SP1: variants seen among roughly 807,000 people sequenced by gnomAD.
SP1 encodes the protein Sp1 transcription factor.
A neutral mutation model predicts 66.3 loss-of-function variants in SP1; 6 were observed. The observed-to-expected ratio is 0.09, with a 90% CI of 0.05 to 0.18. The LOEUF (loss-of-function observed/expected upper bound fraction) is 0.18. Ranked by LOEUF, SP1 falls within the 10% of genes least tolerant of loss-of-function variation. The pLI, the probability that SP1 is intolerant of heterozygous loss-of-function variation, is 1.00. For synonymous variants in SP1, 417 were observed against 360.8 expected, an observed-to-expected ratio of 1.16 and a Z score of -1.77; for missense variants, 848 against 964.5, an observed-to-expected ratio of 0.88 and a Z score of 1.60.
chr12:53,396,666 T>C (rs7300593), intron 3 of SP1, among the ~76,000 whole-genome samples: 27,780 of 152,218 alleles, frequency 0.18, 2,652 homozygotes, highest in African/African-American at 0.21. Flanking sequence ...TTACTTAGTG[T>C]ACTTGAGAGG....
chr12:53,384,109 A>G (rs1360623758), intron 3 of SP1, among the ~76,000 whole-genome samples: 2 of 147,798 alleles, frequency 1.4e-5, no homozygotes, highest in Non-Finnish European at 3.0e-5. Context: ...GGCTGGGACT[A>G]CAGGTGCCTG....
intron 3 of SP1, among the ~76,000 whole-genome samples, chr12:53,400,373 C>G (rs1938584579): frequency 6.6e-6 from 1 of 151,764 alleles, no homozygotes; most frequent in Non-Finnish European, 1.5e-5. Flanking sequence ...AATAATATTT[C>G]ATTGTGTATA....
intron 1 of SP1, 107 bp from the exon 2 acceptor site, chr12:53,381,552 C>T (rs1021868756): frequency 1.6e-5 from 16 of 1,030,822 alleles, no homozygotes; most frequent in African/African-American, 3.3e-5. Context: ...TGGTGGCTTT[C>T]GCCTTCCTGT....
chr12:53,394,409 C>CT (rs59816754), intron 3 of SP1, among the ~76,000 whole-genome samples: 1,317 of 114,852 alleles, frequency 0.011, 28 homozygotes, highest in Middle Eastern at 0.036. Context: ...TTAAAAGTAT[C>CT]TTTTTTTTTT....
At chr12:53,405,539 A>G (rs180777649) in intron 3 of SP1, among the ~76,000 whole-genome samples, 3 of 152,190 alleles carry the variant, frequency 2.0e-5, no homozygotes, top group Admixed American at 6.6e-5. Context: ...TCATGGTGGC[A>G]TATACCTGTA....
At position 53,380,924 on chromosome 12, in the gene SP1, T is replaced by C. The variant is rs78207123; in HGVS notation, c.7+626T>C. 8.0e-4 allele frequency among the ~76,000 whole-genome samples: 121 copies of C among 151,162 alleles called. 1 individual carries two copies. The East Asian group carries it at 0.023, about 29-fold the overall frequency. ...CTTCTTTTTCCCCTCTCGTTACTTT[T>C]CACACTTGGATTTTTGTTTGTCTTT... On this transcript the variant is annotated intron_variant, in intron 1 of 5. Coordinates refer to ENST00000327443, the MANE Select transcript of SP1 (RefSeq NM_138473.3).
At position 53,416,044 on chromosome 12, in the gene SP1, T is replaced by C. The variant is rs1938989630; in HGVS notation, c.*4804T>C. On this transcript the variant is annotated 3_prime_UTR_variant, in exon 6 of 6. Transcript: ENST00000327443. ...CTGGAAGGGATGGGTGGTGCTCCAA[T>C]CTCTGGTGCCTAAAAACCCAAGTTT... 1 of 152,658 alleles carries C rather than the reference T, an allele frequency of 6.6e-6. No individual in the cohort carries two copies. The highest frequency in any genetic ancestry group is 1.5e-5 in the Non-Finnish European group (1 of 68,092). 9.5% of individuals were successfully genotyped at this position (152,658 alleles called of 1,614,324 possible).
intron 3 of SP1, among the ~76,000 whole-genome samples, chr12:53,402,271 T>C (rs951937595): frequency 6.7e-6 from 1 of 150,348 alleles, no homozygotes; most frequent in Non-Finnish European, 1.5e-5. Context: ...TCGCCCAGGC[T>C]GGAGTGCAAT....
rs535951095 is a variant in SP1 at position 53,394,009 on chromosome 12, G to A, written c.1675+10387G>A. 3.2e-4 allele frequency among the ~76,000 whole-genome samples: 49 copies of A among 151,908 alleles called. No homozygotes were observed. In the Middle Eastern group the frequency reaches 0.014, roughly 42 times the overall value. On this transcript the variant is annotated intron_variant, in intron 3 of 5. Coordinates refer to ENST00000327443, the MANE Select transcript of SP1 (RefSeq NM_138473.3). ...GTGGGTGGATCACCTGAGATCGGGA[G>A]TTCAAGACCAGCCTGACCAACATGG...
chr12:53,406,065 CT>C (rs1170832065), intron 3 of SP1, among the ~76,000 whole-genome samples: 1,204 of 82,404 alleles, frequency 0.015, 2 homozygotes, highest in African/African-American at 0.034. Flanking sequence ...TATTTTCTTT[CT>C]TTTTTTTTTT....
At chr12:53,407,931 G>A (rs1234576083) in intron 4 of SP1, among the ~76,000 whole-genome samples, 8 of 145,460 alleles carry the variant, frequency 5.5e-5, no homozygotes, top group African/African-American at 1.3e-4. Flanking sequence ...CCATGGGGGC[G>A]CCCGGCCTTT....
At chr12:53,406,313 C>T (rs146639526) in intron 3 of SP1, among the ~76,000 whole-genome samples, 11 of 152,086 alleles carry the variant, frequency 7.2e-5, no homozygotes, top group Non-Finnish European at 1.3e-4. Flanking sequence ...AGGTGATCCG[C>T]CCACCTCGGC....
intron 3 of SP1, among the ~76,000 whole-genome samples, chr12:53,402,864 T>G (rs1225180282): frequency 1.3e-5 from 2 of 151,820 alleles, no homozygotes; most frequent in African/African-American, 2.4e-5. Flanking sequence ...TCCCAGTTAC[T>G]TAGAAGGCTG....
At chr12:53,407,879 G>T (rs1174293982) in intron 4 of SP1, among the ~76,000 whole-genome samples, 1 of 148,974 alleles carries the variant, frequency 6.7e-6, no homozygotes, top group Non-Finnish European at 1.5e-5. Context: ...CTTGTGATCC[G>T]CCTGCCTTGG....
At chr12:53,396,567 C>G (rs1176753171) in intron 3 of SP1, among the ~76,000 whole-genome samples, 2 of 152,146 alleles carry the variant, frequency 1.3e-5, no homozygotes, top group African/African-American at 4.8e-5. Flanking sequence ...GACTCCATCT[C>G]AAAAACAAAA....
chr12:53,405,473 G>A (rs1476422877), intron 3 of SP1, among the ~76,000 whole-genome samples: 1 of 152,052 alleles, frequency 6.6e-6, no homozygotes, highest in Non-Finnish European at 1.5e-5. Flanking sequence ...GTTCGAGACA[G>A]CCTGACCAAC....
Position 53,382,713 on chromosome 12 carries a change from G to C in SP1, c.766G>C (p.Val256Leu), listed in dbSNP as rs753708505. The change falls in exon 3 of 6, where the codon GTA (valine) becomes CTA (leucine). Residue 256 changes from valine (V) to leucine (L), a missense_variant. Physicochemically the swap from Val to Leu is conservative, Grantham distance 32 (BLOSUM62 1). This residue lies in a region of SP1 where 606 missense variants were observed against 589.9 expected (regional missense o/e 1.03). Transcript: ENST00000327443. ...LSGQTQYVTN[V>L]PVALNGNITL... ...AGGACAGACTCAGTATGTGACCAATGTACCAGTGGCCCTGAATGGGAACAT... is the reference window on the plus strand; with the variant it reads ...AGGACAGACTCAGTATGTGACCAATCTACCAGTGGCCCTGAATGGGAACAT... 23 of 1,614,164 alleles carry C rather than the reference G, an allele frequency of 1.4e-5. No individual in the cohort carries two copies. Among genetic ancestry groups the C allele is most frequent in the Non-Finnish European group, 1.9e-5 (22 of 1,180,030 alleles).
At position 53,382,498 on chromosome 12, in the gene SP1, GGCAACA is replaced by G; in HGVS notation, c.554_559del (p.Gln185_Gln186del). On this transcript the variant is annotated inframe_deletion, in exon 3 of 6. Transcript: ENST00000327443. The stretch of plus-strand genomic sequence containing the variant: ...ATCCCACAGTTCCAGACCGTTGATG[GGCAACA>G]GCTGCAGTTTGCTGCCACTGGGGCC... The G allele has an allele frequency of 6.2e-7, 1 of 1,614,100 alleles. No homozygotes were observed. The highest frequency in any genetic ancestry group is 8.5e-7 in the Non-Finnish European group (1 of 1,180,018).
In SP1 at chr12:53,406,732, A is replaced by G. The variant is rs1409797882; in HGVS notation, c.1823A>G (p.Tyr608Cys). The change falls in exon 4 of 6, where the codon TAC becomes TGC. Residue 608 changes from tyrosine to cysteine, a missense_variant. Tyr to Cys is a radical substitution (Grantham distance 194, BLOSUM62 -2). Coordinates refer to ENST00000327443, the MANE Select transcript of SP1 (RefSeq NM_138473.3). ...CGGCGGGAAGCATGCACCTGCCCCT[A>G]CTGTAAAGACAGTGAAGGAAGGTGA... ...RTRREACTCP[Y>C]CKDSEGRGSG... 1 of 1,613,658 alleles carries G rather than the reference A, an allele frequency of 6.2e-7. No individual in the cohort carries two copies. Among genetic ancestry groups the G allele is most frequent in the Non-Finnish European group, 8.5e-7 (1 of 1,179,954 alleles).
Sources: allele counts gnomAD v4.1 joint callset (sites outside exome capture counted in the v4.1 genomes callset), GRCh38; gene constraint gnomAD v4.1.1; regional missense constraint gnomAD v4.1.1; transcripts MANE v1.5; gene names NCBI Gene and HGNC (gene_info 2026-07-23, HGNC 2026-07-21).